Variants in NUBPL observed in about 807,000 individuals in gnomAD.
The protein encoded by NUBPL is iron-sulfur cluster transfer protein NUBPL.
A neutral mutation model predicts 45.7 loss-of-function variants in NUBPL; 31 were observed. That is an observed-to-expected ratio of 0.68 (90% CI 0.51 to 0.92). NUBPL has a LOEUF of 0.92. Among genes scored for constraint, NUBPL ranks in the 40% least tolerant of loss-of-function variants. NUBPL has a pLI of 0.00. For synonymous variants in NUBPL, 144 were observed against 140.9 expected, an observed-to-expected ratio of 1.02 and a Z score of -0.15; for missense variants, 401 against 398.7, an observed-to-expected ratio of 1.01 and a Z score of -0.05.
chr14:31,739,753 A>T (rs912393990), intron 6 of NUBPL, among the ~76,000 whole-genome samples: 1 of 152,150 alleles, frequency 6.6e-6, no homozygotes, highest in South Asian at 2.1e-4. Context: ...GACATATATC[A>T]ACTGTAATAG....
chr14:31,639,339 G>A (rs28864375), intron 4 of NUBPL, among the ~76,000 whole-genome samples: 25,019 of 152,172 alleles, frequency 0.16, 5,897 homozygotes, highest in African/African-American at 0.53. Context: ...GAGTTTGCTA[G>A]AGGTCCACTC....
intron 6 of NUBPL, among the ~76,000 whole-genome samples, chr14:31,755,312 C>T (rs917116613): frequency 2.6e-5 from 4 of 152,172 alleles, no homozygotes; most frequent in Non-Finnish European, 5.9e-5. Context: ...TACAGTCCCA[C>T]CAACAGTGTA....
At chr14:31,576,526 G>T (rs981520370) in intron 3 of NUBPL, among the ~76,000 whole-genome samples, 4 of 152,158 alleles carry the variant, frequency 2.6e-5, no homozygotes, top group Non-Finnish European at 4.4e-5. Context: ...CTCACAAAGT[G>T]CTGGGATTAC....
At chr14:31,649,008 C>T (rs2035930762) in intron 4 of NUBPL, among the ~76,000 whole-genome samples, 1 of 152,116 alleles carries the variant, frequency 6.6e-6, no homozygotes, top group Non-Finnish European at 1.5e-5. Context: ...CGGGGTTTCA[C>T]CATGTTGGAC....
At chr14:31,679,506 A>G (rs907933181) in intron 6 of NUBPL, among the ~76,000 whole-genome samples, 2 of 152,162 alleles carry the variant, frequency 1.3e-5, no homozygotes, top group African/African-American at 2.4e-5. Context: ...TGTTAGCATC[A>G]TTTGTTTGAA....
intron 4 of NUBPL, among the ~76,000 whole-genome samples, chr14:31,646,768 G>GT (rs1368227512): frequency 1.3e-5 from 2 of 151,338 alleles, no homozygotes; most frequent in Non-Finnish European, 1.5e-5. Context: ...CATTTGGAAT[G>GT]TTTAATTTTT....
intron 7 of NUBPL, chr14:31,801,255 T>G (rs1479029741): frequency 6.6e-6 from 1 of 152,162 alleles, no homozygotes; most frequent in African/African-American, 2.4e-5. Context: ...GGATCCCCAT[T>G]GAGAGCCAGA....
At chr14:31,620,388 G>A (rs866093933) in intron 4 of NUBPL, among the ~76,000 whole-genome samples, 2 of 152,064 alleles carry the variant, frequency 1.3e-5, no homozygotes, top group South Asian at 2.1e-4. Flanking sequence ...CAGCCTTTTT[G>A]TACTGGTTTC....
intron 6 of NUBPL, among the ~76,000 whole-genome samples, chr14:31,772,324 T>C (rs2039023058): frequency 6.6e-6 from 1 of 152,194 alleles, no homozygotes; most frequent in Admixed American, 6.6e-5. Context: ...AATATCTTGA[T>C]TCTTAAGCAG....
intron 4 of NUBPL, among the ~76,000 whole-genome samples, chr14:31,609,825 G>A (rs927336984): frequency 1.3e-5 from 2 of 151,980 alleles, no homozygotes; most frequent in African/African-American, 4.8e-5. Context: ...TGACCTGTGG[G>A]CCAATGAAGA....
At chr14:31,605,860 C>T (rs1220398551) in intron 4 of NUBPL, among the ~76,000 whole-genome samples, 2 of 146,458 alleles carry the variant, frequency 1.4e-5, no homozygotes, top group Non-Finnish European at 3.0e-5. Flanking sequence ...CCTTCTCCTT[C>T]CTTGTCTCCT....
intron 4 of NUBPL, chr14:31,654,022 C>G (rs2036078928): frequency 2.3e-6 from 1 of 431,260 alleles, no homozygotes; most frequent in African/African-American, 2.0e-5. Context: ...GTCTGTTTTT[C>G]TTTGCTACTA....
chr14:31,639,461 C>T (rs1377294332), intron 4 of NUBPL, among the ~76,000 whole-genome samples: 24 of 152,100 alleles, frequency 1.6e-4, no homozygotes, highest in Admixed American at 1.6e-3. Flanking sequence ...CAGAGGAGTA[C>T]CCGGCTGTGT....
At chr14:31,685,288 G>T (rs1415264110) in intron 6 of NUBPL, among the ~76,000 whole-genome samples, 2 of 152,110 alleles carry the variant, frequency 1.3e-5, no homozygotes, top group East Asian at 3.8e-4. Context: ...ATAGATGTTC[G>T]GTGGAAATTT....
At chr14:31,601,066 A>C (rs1351119731) in intron 4 of NUBPL, among the ~76,000 whole-genome samples, 4 of 152,098 alleles carry the variant, frequency 2.6e-5, no homozygotes, top group East Asian at 3.9e-4. Flanking sequence ...ATAGTCGTAG[A>C]TATGCGGCGT....
At chr14:31,653,989 T>A in intron 4 of NUBPL, 1 of 413,036 alleles carries the variant, frequency 2.4e-6, no homozygotes, top group Admixed American at 2.4e-5. Context: ...ATTGACTTTG[T>A]ATTTCATGGG....
chr14:31,643,809 G>A (rs1159684422), intron 4 of NUBPL, among the ~76,000 whole-genome samples: 4 of 151,862 alleles, frequency 2.6e-5, no homozygotes, highest in Admixed American at 1.3e-4. Flanking sequence ...CTTTATTATG[G>A]CATTGATCTC....
At chr14:31,826,445 T>C (rs2138967125) in intron 7 of NUBPL, among the ~76,000 whole-genome samples, 184 bp from the exon 8 acceptor site, 1 of 152,196 alleles carries the variant, frequency 6.6e-6, no homozygotes, top group East Asian at 1.9e-4. Flanking sequence ...GAAGTGAGGA[T>C]TCAAAGGTAG....
intron 6 of NUBPL, among the ~76,000 whole-genome samples, chr14:31,705,350 G>A (rs2037424030): frequency 6.6e-6 from 1 of 152,210 alleles, no homozygotes; most frequent in African/African-American, 2.4e-5. Flanking sequence ...AAGGGGAACC[G>A]AGCGGGTCGC....
Sources: gnomAD v4.1 joint callset for allele counts (sites outside exome capture counted in the v4.1 genomes callset) on GRCh38, gnomAD v4.1.1 for gene constraint, MANE v1.5 for transcripts, NCBI Gene and HGNC (gene_info 2026-07-23, HGNC 2026-07-21) for gene names.